Variants in TLK2 observed in about 807,000 individuals in gnomAD.
TLK2 encodes the protein tousled like kinase 2.
A neutral mutation model predicts 117.3 loss-of-function variants in TLK2; 6 were observed. That is an observed-to-expected ratio of 0.05 (90% confidence interval 0.03 to 0.10). The LOEUF (loss-of-function observed/expected upper bound fraction) is 0.10. Among genes scored for constraint, TLK2 ranks in the 10% least tolerant of loss-of-function variants. TLK2 has a pLI of 1.00. For missense variants in TLK2, 299 were observed against 901.2 expected (o/e 0.33, Z 8.56); for synonymous variants, 257 against 316.7 (o/e 0.81, Z 2.00).
chr17:62,597,637 C>T (rs1475120224), intron 17 of TLK2, among the ~76,000 whole-genome samples: 1 of 152,144 alleles, frequency 6.6e-6, no homozygotes, highest in Non-Finnish European at 1.5e-5. Context: ...AGGCTCAGTG[C>T]TACATGTTGA....
chr17:62,596,857 G>T (rs944248812), intron 17 of TLK2, among the ~76,000 whole-genome samples, 183 bp downstream of exon 17: 4 of 152,212 alleles, frequency 2.6e-5, no homozygotes, highest in Non-Finnish European at 4.4e-5. Flanking sequence ...CAAAGGACAT[G>T]TGCACTTGTG....
At chr17:62,566,210 T>C (rs1012662632) in intron 11 of TLK2, among the ~76,000 whole-genome samples, 1 of 152,094 alleles carries the variant, frequency 6.6e-6, no homozygotes, top group African/African-American at 2.4e-5. Flanking sequence ...CTCTAGGTCA[T>C]GATGAGTTGG....
chr17:62,549,095 A>G (rs1327194198), intron 7 of TLK2, among the ~76,000 whole-genome samples: 4 of 148,296 alleles, frequency 2.7e-5, no homozygotes, highest in Admixed American at 2.0e-4. Flanking sequence ...AGTCATTTGT[A>G]TAGAAACACA....
Position 62,612,657 on chromosome 17 carries a change from T to A in TLK2, c.*92T>A. The A allele has an allele frequency of 7.5e-7, 1 of 1,332,502 alleles. No individual in the cohort carries two copies. The allele number at this position is 1,332,502 out of a possible 1,614,324, so 82.5% of individuals were successfully genotyped here. ...TTGGAACATAGCGAATCCGAATGGA[T>A]CTGATGAAACCTGTACCAGGTGCTT... On this transcript the variant is annotated 3_prime_UTR_variant, in exon 22 of 22. Coordinates refer to ENST00000346027, the MANE Select transcript of TLK2 (RefSeq NM_006852.6).
chr17:62,509,120 G>C (rs1205082941), intron 2 of TLK2, among the ~76,000 whole-genome samples: 2 of 152,048 alleles, frequency 1.3e-5, no homozygotes, highest in Non-Finnish European at 2.9e-5. Context: ...ACAGGGTCTT[G>C]CTCTGTCACC....
intron 11 of TLK2, among the ~76,000 whole-genome samples, chr17:62,568,777 G>T (rs2080016670): frequency 6.6e-6 from 1 of 151,848 alleles, no homozygotes. Flanking sequence ...TAGAGACGGG[G>T]TTTTGCCATG....
rs2075962212 is a variant in TLK2 at position 62,520,500 on chromosome 17, A to G, written c.82-273A>G. 2.7e-5 allele frequency among the ~76,000 whole-genome samples: 4 copies of G among 150,632 alleles called. No individual in the cohort carries two copies. In the South Asian group the frequency reaches 8.4e-4, roughly 32 times the overall value. On this transcript the variant is annotated intron_variant, in intron 2 of 21. Transcript: ENST00000346027. The stretch of plus-strand genomic sequence containing the variant: ...GAGACCAGCCTGGCCAACATGGTGA[A>G]ACCCCATCTCTACTAAAAATACAAA...
chr17:62,565,226 C>A, intron 11 of TLK2, 89 bp downstream of exon 11: 6 of 1,461,948 alleles, frequency 4.1e-6, no homozygotes, highest in Non-Finnish European at 5.5e-6. Context: ...AATAATCCTA[C>A]TATTGGTAGT....
chr17:62,600,741 C>A lies in TLK2; in HGVS notation c.1641C>A (p.Ser547=), dbSNP rs548021582. 1.1e-4 allele frequency: 174 copies of A among 1,613,552 alleles called. 1 individual carries two copies. In the South Asian group the frequency reaches 1.8e-3, roughly 17 times the overall value. ...HKLMSEKEAR[S]IIMQIVNALK... ...TAATGTCGGAGAAAGAGGCCCGGTC[C>A]ATTATCATGCAGATTGTGAATGCTT... The change falls in exon 18 of 22, where the codon TCC becomes TCA. Residue 547 remains serine, a synonymous_variant. Transcript: ENST00000346027.
At chr17:62,485,881 T>C (rs1486824026) in intron 2 of TLK2, among the ~76,000 whole-genome samples, 1 of 149,484 alleles carries the variant, frequency 6.7e-6, no homozygotes, top group African/African-American at 2.5e-5. Flanking sequence ...AGTGCAGTGA[T>C]GCAATCTCTA....
At chr17:62,565,758 T>G (rs932130598) in intron 11 of TLK2, among the ~76,000 whole-genome samples, 7 of 152,140 alleles carry the variant, frequency 4.6e-5, no homozygotes, top group African/African-American at 1.7e-4. Context: ...TCTTTCTAAT[T>G]ATATAATGAA....
At chr17:62,572,437 A>C (rs578053184) in intron 11 of TLK2, among the ~76,000 whole-genome samples, 1 of 151,132 alleles carries the variant, frequency 6.6e-6, no homozygotes, top group South Asian at 2.1e-4. Context: ...TTTACAATGG[A>C]GTTTTTATTG....
intron 6 of TLK2, among the ~76,000 whole-genome samples, chr17:62,527,614 G>T (rs1339216967): frequency 6.6e-6 from 1 of 151,842 alleles, no homozygotes; most frequent in Admixed American, 6.6e-5. Context: ...CTTTTGTGAG[G>T]TTTATCCATT....
intron 7 of TLK2, among the ~76,000 whole-genome samples, chr17:62,545,151 C>G (rs988078000): frequency 2.6e-5 from 4 of 151,976 alleles, no homozygotes; most frequent in Non-Finnish European, 5.9e-5. Flanking sequence ...CTCAGCCTCC[C>G]GAGTAGCTGG....
At chr17:62,579,503 G>A (rs1012185303) in intron 14 of TLK2, among the ~76,000 whole-genome samples, 1 of 152,144 alleles carries the variant, frequency 6.6e-6, no homozygotes, top group Non-Finnish European at 1.5e-5. Flanking sequence ...TAGTGAGATT[G>A]TTTAAGATCA....
At chr17:62,525,221 G>C (rs1323577305) in intron 6 of TLK2, among the ~76,000 whole-genome samples, 1 of 152,096 alleles carries the variant, frequency 6.6e-6, no homozygotes, top group Non-Finnish European at 1.5e-5. Context: ...TAGGAAAGTT[G>C]TTTTTCTTTG....
chr17:62,512,225 T>G (rs532825622), intron 2 of TLK2, among the ~76,000 whole-genome samples: 1 of 143,456 alleles, frequency 7.0e-6, no homozygotes, highest in East Asian at 2.0e-4. Flanking sequence ...TTTTTTTTTT[T>G]TTTTTTTTTT....
At chr17:62,549,521 T>C (rs1367958379) in intron 7 of TLK2, among the ~76,000 whole-genome samples, 1 of 150,634 alleles carries the variant, frequency 6.6e-6, no homozygotes, top group African/African-American at 2.4e-5. Context: ...AATGCTTGTA[T>C]CCTAGTGCAT....
chr17:62,552,771 C>G (rs1389787068), intron 8 of TLK2, among the ~76,000 whole-genome samples: 2 of 151,360 alleles, frequency 1.3e-5, no homozygotes, highest in East Asian at 3.9e-4. Flanking sequence ...TAGTACAAAT[C>G]ATCTGTGAAA....
Sources: gnomAD v4.1 joint callset for allele counts (sites outside exome capture counted in the v4.1 genomes callset) on GRCh38, gnomAD v4.1.1 for gene constraint, MANE v1.5 for transcripts, NCBI Gene and HGNC (gene_info 2026-07-23, HGNC 2026-07-21) for gene names.